FGF13: variants seen among roughly 807,000 people sequenced by gnomAD.
FGF13 encodes the protein fibroblast growth factor 13.
A neutral mutation model predicts 19.5 loss-of-function variants in FGF13; 2 were observed. The observed-to-expected ratio is 0.10, with a 90% CI of 0.04 to 0.32. The LOEUF is 0.32. FGF13 is among the 10% of genes least tolerant of loss of function. The pLI, the probability that FGF13 is intolerant of heterozygous loss-of-function variation, is 1.00. For synonymous variants in FGF13, 72 were observed against 76.9 expected, an observed-to-expected ratio of 0.94 and a Z score of 0.33; for missense variants, 113 against 192.7, an observed-to-expected ratio of 0.59 and a Z score of 2.45.
At chrX:139,116,926 C>T (rs1049036760) in intron 1 of FGF13, among the ~76,000 whole-genome samples, 2 of 111,254 alleles carry the variant, frequency 1.8e-5, no homozygotes, top group African/African-American at 6.5e-5. Flanking sequence ...TTCTAAGATG[C>T]GCTGTGCTAC....
At chrX:139,033,562 C>T (rs759564252) in intron 1 of FGF13, among the ~76,000 whole-genome samples, 1 of 111,970 alleles carries the variant, frequency 8.9e-6, no homozygotes, top group Non-Finnish European at 1.9e-5. Context: ...AAAGTTTTTA[C>T]TACAAATTCA....
At chrX:138,781,838 G>A (rs183209099) in intron 3 of FGF13, among the ~76,000 whole-genome samples, 197 of 111,642 alleles carry the variant, frequency 1.8e-3, no homozygotes, top group African/African-American at 6.2e-3. Context: ...TACCAAAGCC[G>A]GGCAGAGACA....
chrX:138,663,217 A>G (rs1322283987), intron 3 of FGF13, among the ~76,000 whole-genome samples: 2 of 111,427 alleles, frequency 1.8e-5, no homozygotes, highest in African/African-American at 6.5e-5. Context: ...TTATCTTCCT[A>G]TTTTATTTTG....
In FGF13 at chrX:138,764,068, T is replaced by C. The variant is rs768768444; in HGVS notation, c.218-55140A>G. On this transcript the variant is annotated intron_variant, in intron 3 of 6. Coordinates refer to the FGF13 transcript ENST00000436198. ...TTCCCCCTGCATGAGTAGCCTTTGC[T>C]GACTGTGTTTCTAGCTTAGACCCTG... Among the ~76,000 whole-genome samples, 6 of 111,704 alleles carry C rather than the reference T, an allele frequency of 5.4e-5. No individual in the cohort carries two copies. The South Asian group carries it at 2.3e-3, about 42-fold the overall frequency.
chrX:138,920,262 G>A (rs2091638121), intron 1 of FGF13, among the ~76,000 whole-genome samples: 1 of 111,339 alleles, frequency 9.0e-6, no homozygotes, highest in Non-Finnish European at 1.9e-5. Context: ...ATATGATCAT[G>A]GGACTGTCAA....
chrX:138,886,434 C>A (rs115651628), intron 1 of FGF13, among the ~76,000 whole-genome samples: 1,516 of 112,091 alleles, frequency 0.014, 28 homozygotes, highest in African/African-American at 0.047. Flanking sequence ...AAAAGAAATC[C>A]TAGTATTTTG....
rs58679097 is a variant in FGF13, at chrX:138,849,798, C to T, written c.217+7714G>A. On this transcript the variant is annotated intron_variant, in intron 3 of 6. Transcript: ENST00000436198. ...TCTTGGCCTTGAAAGGGGAAGCACCCATATGGATGTATAACTTCCAGATGT... is the reference window on the plus strand; with the variant it reads ...TCTTGGCCTTGAAAGGGGAAGCACCTATATGGATGTATAACTTCCAGATGT... Among the ~76,000 whole-genome samples the T allele has an allele frequency of 9.7e-3, 1,088 of 111,994 alleles. 9 individuals carry two copies. Among genetic ancestry groups the T allele is most frequent in the African/African-American group, 0.033 (1,032 of 30,877 alleles).
chrX:138,683,415 TCA>T lies in FGF13; in HGVS notation c.402+19567_402+19568del, dbSNP rs376513383. ...CACAAACACACTCTCTCTCTCTCTC[TCA>T]CACACACACACACACACACACAGCT... On this transcript the variant is annotated intron_variant, in intron 3 of 4. Coordinates refer to ENST00000315930, the MANE Select transcript of FGF13 (RefSeq NM_004114.5). Among the ~76,000 whole-genome samples the T allele has an allele frequency of 2.0e-3, 204 of 103,056 alleles. 1 individual carries two copies. The highest frequency in any genetic ancestry group is 2.7e-3 in the African/African-American group (78 of 28,573). The allele number at this position is 103,056 out of a possible 115,157, so 89.5% of individuals were successfully genotyped here.
At chrX:138,688,103 G>T (rs1228615468) in intron 3 of FGF13, among the ~76,000 whole-genome samples, 1 of 108,785 alleles carries the variant, frequency 9.2e-6, no homozygotes, top group East Asian at 2.9e-4. Context: ...CTACAGGTGC[G>T]TGCCACCATG....
chrX:138,740,685 C>T, upstream of FGF13, among the ~76,000 whole-genome samples: 1 of 111,858 alleles, frequency 8.9e-6, no homozygotes, highest in Non-Finnish European at 1.9e-5. Context: ...GCCTTTAGAA[C>T]CCAAAAAGGC....
chrX:139,046,576 A>G (rs929196336), intron 1 of FGF13, among the ~76,000 whole-genome samples: 1 of 110,820 alleles, frequency 9.0e-6, no homozygotes. Flanking sequence ...GACTTGAGAG[A>G]GTTGGGGGAT....
intron 3 of FGF13, among the ~76,000 whole-genome samples, chrX:138,698,911 T>C (rs1362744977): frequency 8.9e-6 from 1 of 111,852 alleles, no homozygotes; most frequent in Non-Finnish European, 1.9e-5. Context: ...AATAAGTAAA[T>C]GAATGGGTGT....
chrX:138,995,855 C>G (rs1165623659), intron 1 of FGF13, among the ~76,000 whole-genome samples: 3 of 111,898 alleles, frequency 2.7e-5, no homozygotes, highest in Non-Finnish European at 5.6e-5. Flanking sequence ...AATGGTAGTT[C>G]TGCTTTTAGC....
chrX:139,103,884 T>C (rs1250679912), intron 1 of FGF13, among the ~76,000 whole-genome samples: 1 of 111,368 alleles, frequency 9.0e-6, no homozygotes, highest in African/African-American at 3.3e-5. Context: ...AGGCTCCTTG[T>C]GCCTTCTAGA....
intron 1 of FGF13, among the ~76,000 whole-genome samples, chrX:138,941,030 C>A (rs2091755686): frequency 9.0e-6 from 1 of 110,991 alleles, no homozygotes; most frequent in Admixed American, 9.7e-5. Context: ...TGTTAAAAAC[C>A]CTCAATAAAC....
intron 1 of FGF13, among the ~76,000 whole-genome samples, chrX:138,999,012 G>C (rs943396985): frequency 8.9e-6 from 1 of 111,990 alleles, no homozygotes; most frequent in Non-Finnish European, 1.9e-5. Context: ...AATCAAATTA[G>C]AACTCAGGAT....
At chrX:138,940,137 T>C (rs1381971587) in intron 1 of FGF13, among the ~76,000 whole-genome samples, 1 of 111,568 alleles carries the variant, frequency 9.0e-6, no homozygotes, top group Non-Finnish European at 1.9e-5. Context: ...TGCTACGTTA[T>C]TGTGGTTTTG....
At chrX:138,745,967 T>C (rs934783956) in intron 3 of FGF13, among the ~76,000 whole-genome samples, 3 of 111,408 alleles carry the variant, frequency 2.7e-5, no homozygotes, top group African/African-American at 9.8e-5. Context: ...GAACTGAGCA[T>C]TGAAAATTGA....
At chrX:138,772,977 A>G (rs1017920642) in intron 3 of FGF13, among the ~76,000 whole-genome samples, 1 of 109,562 alleles carries the variant, frequency 9.1e-6, no homozygotes, top group Non-Finnish European at 1.9e-5. Flanking sequence ...TGCACTATTG[A>G]CCGAACTAAC....
Sources: allele counts gnomAD v4.1 joint callset (sites outside exome capture counted in the v4.1 genomes callset), GRCh38; gene constraint gnomAD v4.1.1; transcripts MANE v1.5; gene names NCBI Gene and HGNC (gene_info 2026-07-23, HGNC 2026-07-21).